CACNB2: variants seen among roughly 807,000 people sequenced by gnomAD.
The protein encoded by CACNB2 is voltage-dependent L-type calcium channel subunit beta-2.
Under a neutral mutation model 73.3 loss-of-function variants are expected in CACNB2, and 42 were observed. The ratio of observed to expected loss-of-function variants is 0.57; its 90% CI spans 0.45 to 0.74. The LOEUF (loss-of-function observed/expected upper bound fraction) is 0.74, where lower values mean the gene tolerates loss of function less well. CACNB2 is among the 30% of genes least tolerant of loss of function. CACNB2 has a pLI of 0.00. For synonymous variants in CACNB2, 348 were observed against 310.3 expected, an observed-to-expected ratio of 1.12 and a Z score of -1.28; for missense variants, 940 against 853.0, an observed-to-expected ratio of 1.10 and a Z score of -1.27.
chr10:18,383,660 T>A (rs1178626060), intron 2 of CACNB2, among the ~76,000 whole-genome samples: 1 of 151,774 alleles, frequency 6.6e-6, no homozygotes, highest in Non-Finnish European at 1.5e-5. Context: ...CACCAGAAGG[T>A]TGGGGAGATA....
At chr10:18,289,832 T>C (rs2038985217) in intron 2 of CACNB2, among the ~76,000 whole-genome samples, 1 of 152,012 alleles carries the variant, frequency 6.6e-6, no homozygotes, top group Non-Finnish European at 1.5e-5. Context: ...TTTTGAGGAG[T>C]CCTGGAACAT....
At chr10:18,456,083 A>T (rs2047263553) in intron 3 of CACNB2, among the ~76,000 whole-genome samples, 1 of 152,128 alleles carries the variant, frequency 6.6e-6, no homozygotes. Context: ...CGTTGTTGTC[A>T]ATTATTCTTC....
At chr10:18,185,526 A>G (rs935237500) in intron 2 of CACNB2, among the ~76,000 whole-genome samples, 3 of 152,186 alleles carry the variant, frequency 2.0e-5, no homozygotes, top group African/African-American at 7.2e-5. Flanking sequence ...GAAAGGAATG[A>G]ATTTGTTCTG....
At chr10:18,229,645 C>CT (rs1225425535) in intron 2 of CACNB2, among the ~76,000 whole-genome samples, 1 of 151,994 alleles carries the variant, frequency 6.6e-6, no homozygotes, top group Admixed American at 6.6e-5. Context: ...AAGGACAGTT[C>CT]TTTAGTAGGT....
At chr10:18,418,815 G>C (rs558124327) in intron 3 of CACNB2, among the ~76,000 whole-genome samples, 50 of 152,288 alleles carry the variant, frequency 3.3e-4, no homozygotes, top group African/African-American at 1.1e-3. Context: ...GCCCTCCCTA[G>C]ACTGGACAGG....
Position 18,381,126 on chromosome 10 carries a change from C to T in CACNB2, c.214-20798C>T, listed in dbSNP as rs189053122. The stretch of plus-strand genomic sequence containing the variant: ...GAGACCAAGTCTCCAGACACAGGGC[C>T]AGCTGGGGAAATTCTACTGCTGGCT... On this transcript the variant is annotated intron_variant, in intron 2 of 13. Coordinates refer to ENST00000324631, the MANE Select transcript of CACNB2 (RefSeq NM_201596.3). 8.0e-3 allele frequency among the ~76,000 whole-genome samples: 1,205 copies of T among 151,328 alleles called. 10 individuals are homozygous for T. The highest frequency in any genetic ancestry group is 0.025 in the South Asian group (117 of 4,764).
intron 3 of CACNB2, among the ~76,000 whole-genome samples, chr10:18,438,788 C>A (rs2046275518): frequency 6.6e-6 from 1 of 152,226 alleles, no homozygotes; most frequent in Non-Finnish European, 1.5e-5. Flanking sequence ...TCACCTTCTT[C>A]CTCTTTAGAT....
chr10:18,314,469 GT>G (rs1415044400), intron 2 of CACNB2, among the ~76,000 whole-genome samples: 17 of 147,836 alleles, frequency 1.1e-4, no homozygotes, highest in East Asian at 7.9e-4. Context: ...AAATATCAGG[GT>G]TTTTTTTTTC....
intron 3 of CACNB2, among the ~76,000 whole-genome samples, chr10:18,467,191 A>G (rs1215208024): frequency 6.6e-6 from 1 of 152,206 alleles, no homozygotes; most frequent in African/African-American, 2.4e-5. Context: ...AAACAGAAAA[A>G]CATTGTCATT....
intron 2 of CACNB2, among the ~76,000 whole-genome samples, chr10:18,177,730 A>G (rs2033680744): frequency 6.6e-6 from 1 of 152,212 alleles, no homozygotes; most frequent in South Asian, 2.1e-4. Flanking sequence ...ATGTGCAAAG[A>G]AGAGTACAGG....
chr10:18,168,145 A>G (rs1012718302), intron 2 of CACNB2, among the ~76,000 whole-genome samples: 1 of 152,150 alleles, frequency 6.6e-6, no homozygotes, highest in Non-Finnish European at 1.5e-5. Context: ...ACACTGCTGG[A>G]CATGATGGCT....
intron 3 of CACNB2, among the ~76,000 whole-genome samples, chr10:18,405,951 AAAACAAACAAAC>A (rs74599200): frequency 4.0e-5 from 6 of 151,270 alleles, no homozygotes; most frequent in Non-Finnish European, 8.8e-5. Flanking sequence ...GACTCTGTCA[AAAACAAACAAAC>A]AAACAAACAA....
rs550807707 is a variant in CACNB2, at chr10:18,438,676, G to T, written c.333+36633G>T. Among the ~76,000 whole-genome samples, 21 of 152,350 alleles carry T rather than the reference G, an allele frequency of 1.4e-4. No homozygotes were observed. In the South Asian group the frequency reaches 1.9e-3, roughly 14 times the overall value. On this transcript the variant is annotated intron_variant, in intron 3 of 13. Transcript: ENST00000324631. Reference sequence around the variant, plus strand: ...GCCTGTGCCCTCTGCTCACAGTTCTGTTAGAGCATTCGGATTTATATAGAA... The same window carrying T: ...GCCTGTGCCCTCTGCTCACAGTTCTTTTAGAGCATTCGGATTTATATAGAA...
rs557330279 is a variant in CACNB2, at chr10:18,385,374, C to T, written c.214-16550C>T. On this transcript the variant is annotated intron_variant, in intron 2 of 13. Transcript: ENST00000324631. ...ATAGAGATTTGTAATACCCCCCCCC[C>T]TCGCCCCCCACAGGTTTTAAAAATG... is the stretch of plus-strand genomic sequence containing the variant. Among the ~76,000 whole-genome samples the T allele has an allele frequency of 2.2e-4, 11 of 49,088 alleles. 1 individual carries two copies. In the South Asian group the frequency reaches 6.8e-3, roughly 30 times the overall value. 32.2% of individuals were successfully genotyped at this position (49,088 alleles called of 152,430 possible). A position where few individuals can be genotyped will look rare whatever the true frequency, so the allele number is the denominator to read the frequency against.
chr10:18,253,376 A>G (rs2037163396), intron 2 of CACNB2, among the ~76,000 whole-genome samples: 1 of 152,350 alleles, frequency 6.6e-6, no homozygotes, highest in Admixed American at 6.5e-5. Context: ...CATTAGATAC[A>G]TCATAGAATT....
intron 2 of CACNB2, among the ~76,000 whole-genome samples, chr10:18,187,843 A>C (rs1057056439): frequency 6.6e-6 from 1 of 152,194 alleles, no homozygotes; most frequent in African/African-American, 2.4e-5. Flanking sequence ...AAGGATGCAA[A>C]AATGCCTAAT....
At chr10:18,230,739 T>C (rs1174823530) in intron 2 of CACNB2, among the ~76,000 whole-genome samples, 1 of 152,158 alleles carries the variant, frequency 6.6e-6, no homozygotes, top group African/African-American at 2.4e-5. Context: ...CACCTCTTAC[T>C]AAATGGGGAG....
At chr10:18,181,796 T>C (rs1052353256) in intron 2 of CACNB2, 1 of 151,526 alleles carries the variant, frequency 6.6e-6, no homozygotes, top group African/African-American at 2.4e-5. Flanking sequence ...TGTATTTTTT[T>C]TTTTTTACAG....
At chr10:18,510,422 C>T (rs1441171247) in intron 6 of CACNB2, among the ~76,000 whole-genome samples, 1 of 152,138 alleles carries the variant, frequency 6.6e-6, no homozygotes, top group Non-Finnish European at 1.5e-5. Context: ...CCCACCTCAG[C>T]GTCCCAAGTA....
Sources: allele counts gnomAD v4.1 joint callset (sites outside exome capture counted in the v4.1 genomes callset), GRCh38; gene constraint gnomAD v4.1.1; transcripts MANE v1.5; gene names NCBI Gene and HGNC (gene_info 2026-07-23, HGNC 2026-07-21).